The following TPH2 variants were observed in gnomAD, a reference collection of about 807,000 sequenced individuals.
TPH2 encodes tryptophan hydroxylase 2, also known as tryptophan 5-hydroxylase 2.
A neutral mutation model predicts 59.1 loss-of-function variants in TPH2; 27 were observed. That is an observed-to-expected ratio of 0.46 (90% CI 0.34 to 0.63). TPH2 has a LOEUF of 0.63. Among genes scored for constraint, TPH2 ranks in the 30% least tolerant of loss-of-function variants. TPH2 has a pLI of 0.01. For synonymous variants in TPH2, 220 were observed against 210.5 expected (o/e 1.05, Z -0.39); for missense variants, 523 against 588.3 (o/e 0.89, Z 1.15).
chr12:71,951,577 G>T (rs1029096616), intron 5 of TPH2, among the ~76,000 whole-genome samples: 1 of 151,982 alleles, frequency 6.6e-6, no homozygotes, highest in Non-Finnish European at 1.5e-5. Context: ...CAAACTCCTG[G>T]GCTCAAGTGA....
chr12:72,005,227 T>C (rs1200851958), intron 8 of TPH2, among the ~76,000 whole-genome samples: 2 of 152,042 alleles, frequency 1.3e-5, no homozygotes, highest in Non-Finnish European at 2.9e-5. Flanking sequence ...GTGCTCATCA[T>C]TTTTTTCAGG....
At chr12:71,989,396 G>A (rs1221197370) in intron 7 of TPH2, among the ~76,000 whole-genome samples, 1 of 152,204 alleles carries the variant, frequency 6.6e-6, no homozygotes, top group Non-Finnish European at 1.5e-5. Context: ...CCCATCAACT[G>A]TTGTGTGAAA....
chr12:72,001,079 G>T (rs530130671), intron 8 of TPH2, among the ~76,000 whole-genome samples: 1 of 152,318 alleles, frequency 6.6e-6, no homozygotes, highest in South Asian at 2.1e-4. Flanking sequence ...CATCATCTGT[G>T]GGGGAAGCAA....
intron 8 of TPH2, among the ~76,000 whole-genome samples, chr12:72,016,692 A>G (rs1286285756): frequency 6.6e-6 from 1 of 152,160 alleles, no homozygotes; most frequent in Non-Finnish European, 1.5e-5. Flanking sequence ...AATATATGCT[A>G]CCAATATGCA....
intron 7 of TPH2, among the ~76,000 whole-genome samples, chr12:71,982,864 T>C (rs1872323120): frequency 6.6e-6 from 1 of 152,214 alleles, no homozygotes; most frequent in African/African-American, 2.4e-5. Context: ...AATTTTATTT[T>C]CCCTTTCAGT....
chr12:72,000,591 T>A (rs1872798141), intron 8 of TPH2, among the ~76,000 whole-genome samples: 1 of 152,180 alleles, frequency 6.6e-6, no homozygotes, highest in African/African-American at 2.4e-5. Context: ...GACATGCAGA[T>A]CCATTAGACA....
At chr12:71,940,104 T>G (rs1322652157) in intron 1 of TPH2, among the ~76,000 whole-genome samples, 1 of 152,174 alleles carries the variant, frequency 6.6e-6, no homozygotes, top group Non-Finnish European at 1.5e-5. Flanking sequence ...ATCATGAATA[T>G]TTGGATGAGA....
chr12:71,961,341 G>A (rs1227855370), intron 5 of TPH2, among the ~76,000 whole-genome samples: 1 of 152,202 alleles, frequency 6.6e-6, no homozygotes, highest in Non-Finnish European at 1.5e-5. Context: ...TTATAGTATT[G>A]TTATTGTCAC....
intron 9 of TPH2, among the ~76,000 whole-genome samples, chr12:72,027,997 G>C (rs1468156806): frequency 3.9e-5 from 6 of 152,092 alleles, no homozygotes; most frequent in South Asian, 4.1e-4. Context: ...CTAGCCTCTG[G>C]GGACAGCTAC....
At chr12:71,944,721 C>G in intron 4 of TPH2, 35 bp downstream of exon 4, 1 of 1,576,574 alleles carries the variant, frequency 6.3e-7, no homozygotes, top group Non-Finnish European at 8.7e-7. Flanking sequence ...CTCACATGCT[C>G]TTTCAGCTCC....
At chr12:71,966,241 T>G (rs1358340735) in intron 5 of TPH2, among the ~76,000 whole-genome samples, 1 of 149,546 alleles carries the variant, frequency 6.7e-6, no homozygotes, top group Non-Finnish European at 1.5e-5. Flanking sequence ...TCAAAGGCCC[T>G]GTCTAAATCT....
At chr12:72,003,863 C>G (rs1457228384) in intron 8 of TPH2, among the ~76,000 whole-genome samples, 1 of 152,156 alleles carries the variant, frequency 6.6e-6, no homozygotes, top group East Asian at 1.9e-4. Flanking sequence ...TTATTTAGAA[C>G]TGTATGCTAG....
intron 6 of TPH2, among the ~76,000 whole-genome samples, chr12:71,978,636 C>T (rs530776841): frequency 2.6e-5 from 4 of 152,272 alleles, no homozygotes; most frequent in Non-Finnish European, 4.4e-5. Flanking sequence ...GCATCACTTT[C>T]GATTGTAATC....
At chr12:72,006,352 C>T (rs1872952667) in intron 8 of TPH2, among the ~76,000 whole-genome samples, 3 of 152,012 alleles carry the variant, frequency 2.0e-5, no homozygotes, top group Admixed American at 1.3e-4. Flanking sequence ...CCTGATACAA[C>T]AAAGAAAAGT....
At chr12:71,971,850 C>T (rs1343847684) in intron 5 of TPH2, among the ~76,000 whole-genome samples, 3 of 152,200 alleles carry the variant, frequency 2.0e-5, no homozygotes, top group Non-Finnish European at 4.4e-5. Flanking sequence ...GTGACAGAGA[C>T]CATATGACCC....
At chr12:72,023,997 A>G (rs1873500678) in intron 9 of TPH2, among the ~76,000 whole-genome samples, 1 of 152,162 alleles carries the variant, frequency 6.6e-6, no homozygotes, top group African/African-American at 2.4e-5. Context: ...GAACTTGCCG[A>G]AGATCACACA....
At chr12:71,995,377 G>A (rs1872669203) in intron 8 of TPH2, among the ~76,000 whole-genome samples, 1 of 152,072 alleles carries the variant, frequency 6.6e-6, no homozygotes, top group Non-Finnish European at 1.5e-5. Context: ...AGCCTAGTGA[G>A]CAAAACCACC....
chr12:71,941,073 C>T (rs1592856522), intron 1 of TPH2, among the ~76,000 whole-genome samples: 1 of 152,266 alleles, frequency 6.6e-6, no homozygotes, highest in East Asian at 1.9e-4. Context: ...TAATACTACC[C>T]ATTAATTTCT....
intron 8 of TPH2, among the ~76,000 whole-genome samples, chr12:72,011,061 T>C (rs1235257883): frequency 1.3e-5 from 2 of 152,220 alleles, no homozygotes; most frequent in Admixed American, 6.5e-5. Flanking sequence ...ATGAAAATGA[T>C]GTGTACCTGT....
Sources: allele counts gnomAD v4.1 joint callset (sites outside exome capture counted in the v4.1 genomes callset), GRCh38; gene constraint gnomAD v4.1.1; transcripts MANE v1.5; gene names NCBI Gene and HGNC (gene_info 2026-07-23, HGNC 2026-07-21).